Variants in NTM observed in about 807,000 individuals in gnomAD.
NTM encodes IgLON family member 2.
NTM carries 13 observed loss-of-function variants against 42.1 expected under a neutral mutation model. The ratio of observed to expected loss-of-function variants is 0.31; its 90% CI spans 0.20 to 0.49. The LOEUF is 0.49. NTM is among the 20% of genes least tolerant of loss of function. The pLI is 0.99. For synonymous variants in NTM, 187 were observed against 179.2 expected, an observed-to-expected ratio of 1.04 and a Z score of -0.35; for missense variants, 373 against 452.8, an observed-to-expected ratio of 0.82 and a Z score of 1.60.
At chr11:131,707,493 T>C (rs941886165) in intron 1 of NTM, among the ~76,000 whole-genome samples, 1 of 152,098 alleles carries the variant, frequency 6.6e-6, no homozygotes, top group Non-Finnish European at 1.5e-5. Context: ...CAATGTCAAT[T>C]CCTGTGGATA....
intron 3 of NTM, among the ~76,000 whole-genome samples, chr11:132,194,127 T>TTCTCATACCAAACCCTGAC (rs143922854): frequency 1.3e-5 from 2 of 151,784 alleles, no homozygotes; most frequent in Admixed American, 1.3e-4. Flanking sequence ...GCCAGCATTA[T>TTCTCATACCAAACCCTGAC]AAAGACACAA....
At chr11:132,131,321 C>T (rs1236582385) in intron 2 of NTM, among the ~76,000 whole-genome samples, 3 of 152,174 alleles carry the variant, frequency 2.0e-5, no homozygotes, top group Admixed American at 1.3e-4. Flanking sequence ...ATGCCTGCTG[C>T]AGTGTGCCTT....
chr11:131,896,389 T>C (rs2052270931), intron 1 of NTM, among the ~76,000 whole-genome samples: 1 of 152,116 alleles, frequency 6.6e-6, no homozygotes, highest in Non-Finnish European at 1.5e-5. Context: ...CCATAGGATA[T>C]AATGAAGTAT....
chr11:131,913,162 TAAATA>T (rs1186211664), intron 2 of NTM, among the ~76,000 whole-genome samples: 4 of 152,176 alleles, frequency 2.6e-5, no homozygotes, highest in African/African-American at 9.7e-5. Flanking sequence ...TCAGACTACT[TAAATA>T]AAAAACCAAA....
intron 1 of NTM, among the ~76,000 whole-genome samples, chr11:131,571,987 G>T (rs2057481460): frequency 6.6e-6 from 1 of 152,208 alleles, no homozygotes; most frequent in Non-Finnish European, 1.5e-5. Flanking sequence ...AACAACCACA[G>T]CAATCTGAGA....
Position 132,182,866 on chromosome 11 carries a change from C to A in NTM, c.401-29156C>A, listed in dbSNP as rs575160764. Among the ~76,000 whole-genome samples the A allele has an allele frequency of 5.9e-5, 9 of 152,298 alleles. No individual in the cohort carries two copies. The South Asian group carries it at 1.9e-3, about 32-fold the overall frequency. On this transcript the variant is annotated intron_variant, in intron 3 of 8. Coordinates refer to ENST00000683400, the MANE Select transcript of NTM (RefSeq NM_001352005.2). ...CTTATAGTACAGGAACACAGACCAC[C>A]TCATTTTCCAACATTTTAAAGATTT...
At chr11:132,001,509 C>T (rs12420240) in intron 2 of NTM, among the ~76,000 whole-genome samples, 5,441 of 152,126 alleles carry the variant, frequency 0.036, 136 homozygotes, top group Non-Finnish European at 0.056. Context: ...CTGGGGAGGC[C>T]TCAGGAAGCT....
chr11:132,121,912 T>C (rs1385278993), intron 2 of NTM, among the ~76,000 whole-genome samples: 1 of 152,248 alleles, frequency 6.6e-6, no homozygotes, highest in African/African-American at 2.4e-5. Flanking sequence ...TTTATGCATG[T>C]GCATTAGTGC....
chr11:131,946,505 G>A (rs1170077077), intron 2 of NTM, among the ~76,000 whole-genome samples: 1 of 152,312 alleles, frequency 6.6e-6, no homozygotes, highest in South Asian at 2.1e-4. Context: ...GAGAGAAAGA[G>A]AAGGAACTGT....
rs1287556153 is a variant in NTM, at chr11:131,572,076, T to C, written c.82+201188T>C. 2.0e-5 allele frequency among the ~76,000 whole-genome samples: 3 copies of C among 152,128 alleles called. No individual in the cohort carries two copies. In the East Asian group the frequency reaches 5.8e-4, roughly 29 times the overall value. ...ACTCCCATTGAAATGCACAAAAACATGCACATCAGGTCAACCCACGGTGCT... is the reference window on the plus strand; with the variant it reads ...ACTCCCATTGAAATGCACAAAAACACGCACATCAGGTCAACCCACGGTGCT... On this transcript the variant is annotated intron_variant, in intron 1 of 8. Transcript: ENST00000683400.
At chr11:132,089,313 T>C (rs1367021984) in intron 2 of NTM, among the ~76,000 whole-genome samples, 1 of 152,186 alleles carries the variant, frequency 6.6e-6, no homozygotes, top group African/African-American at 2.4e-5. Context: ...GGAATCATAC[T>C]GGCAAAGCCT....
intron 1 of NTM, among the ~76,000 whole-genome samples, chr11:131,440,874 G>GT (rs1431406856): frequency 7.9e-6 from 1 of 126,754 alleles, no homozygotes; most frequent in Admixed American, 8.6e-5. Context: ...ATTCATGCCC[G>GT]TGTCTGGGGG....
intron 1 of NTM, among the ~76,000 whole-genome samples, chr11:131,722,493 A>G (rs1486805250): frequency 3.9e-5 from 6 of 152,250 alleles, no homozygotes; most frequent in Non-Finnish European, 8.8e-5. Context: ...TAATTCAGAA[A>G]CATGCAGAAC....
chr11:131,976,723 A>G (rs145771288), intron 2 of NTM, among the ~76,000 whole-genome samples: 54 of 152,328 alleles, frequency 3.5e-4, no homozygotes, highest in African/African-American at 1.2e-3. Context: ...ACTCAAGAAT[A>G]CAAAGTCTTC....
chr11:131,580,430 T>G (rs1474258468), intron 1 of NTM, among the ~76,000 whole-genome samples: 1 of 152,128 alleles, frequency 6.6e-6, no homozygotes, highest in African/African-American at 2.4e-5. Context: ...ACACCTGCCC[T>G]CTGAGGGCAG....
At chr11:131,803,274 G>T (rs2092276816) in intron 1 of NTM, among the ~76,000 whole-genome samples, 1 of 151,466 alleles carries the variant, frequency 6.6e-6, no homozygotes, top group African/African-American at 2.4e-5. Flanking sequence ...CTCTCTTGAA[G>T]TTTGTCACTA....
At chr11:131,683,668 T>C (rs1283499719) in intron 1 of NTM, among the ~76,000 whole-genome samples, 4 of 152,226 alleles carry the variant, frequency 2.6e-5, no homozygotes, top group African/African-American at 9.6e-5. Flanking sequence ...CTATCATGAT[T>C]GCTCTGGAGG....
intron 1 of NTM, among the ~76,000 whole-genome samples, chr11:131,584,973 G>A (rs1050358625): frequency 1.3e-5 from 2 of 151,172 alleles, no homozygotes; most frequent in Non-Finnish European, 2.9e-5. Flanking sequence ...TTGAAGAAGC[G>A]CAGCTGCTGA....
chr11:131,677,344 A>G (rs1034224752), intron 1 of NTM, among the ~76,000 whole-genome samples: 1 of 152,218 alleles, frequency 6.6e-6, no homozygotes, highest in Non-Finnish European at 1.5e-5. Flanking sequence ...GACATGGCAT[A>G]TTACAGGTAG....
Sources: gnomAD v4.1 joint callset for allele counts (sites outside exome capture counted in the v4.1 genomes callset) on GRCh38, gnomAD v4.1.1 for gene constraint, MANE v1.5 for transcripts, NCBI Gene and HGNC (gene_info 2026-07-23, HGNC 2026-07-21) for gene names.